Variants in CRACD observed in about 807,000 individuals in gnomAD.
The protein encoded by CRACD is capping protein-inhibiting regulator of actin dynamics.
A neutral mutation model predicts 106.8 loss-of-function variants in CRACD; 56 were observed. That is an observed-to-expected ratio of 0.52 (90% CI 0.42 to 0.66). The LOEUF (loss-of-function observed/expected upper bound fraction) is 0.66, where lower values mean the gene tolerates loss of function less well. Ranked by LOEUF, CRACD falls within the 30% of genes least tolerant of loss-of-function variation. The probability of loss-of-function intolerance (pLI) is 0.00; values close to 1 mark genes in which losing one functional copy is unlikely to be tolerated. For missense variants in CRACD, 1,730 were observed against 1,623.2 expected, an observed-to-expected ratio of 1.07 and a Z score of -1.13; for synonymous variants, 754 against 670.8, an observed-to-expected ratio of 1.12 and a Z score of -1.92.
At chr4:56,246,107 G>A (rs1740664667) in intron 2 of CRACD, among the ~76,000 whole-genome samples, 1 of 152,172 alleles carries the variant, frequency 6.6e-6, no homozygotes, top group African/African-American at 2.4e-5. Flanking sequence ...CTACTGGCCT[G>A]TGCTCTCAGC....
rs1490106808 is a variant in CRACD at position 56,113,377 on chromosome 4, A to C, written c.-336+64078A>C. Among the ~76,000 whole-genome samples the C allele has an allele frequency of 4.6e-5, 7 of 152,226 alleles. No individual in the cohort carries two copies. The South Asian group carries it at 1.2e-3, about 27-fold the overall frequency. The stretch of plus-strand genomic sequence containing the variant: ...CAAATGCAAAATAAATGTGATGTCT[A>C]ATGATAGGCAGTAAGTCTTTTTCCT... On this transcript the variant is annotated intron_variant, in intron 1 of 10. Coordinates refer to ENST00000682029, the MANE Select transcript of CRACD (RefSeq NM_001393381.1).
chr4:56,224,008 C>A (rs1214498761), intron 2 of CRACD, among the ~76,000 whole-genome samples: 2 of 152,208 alleles, frequency 1.3e-5, no homozygotes, highest in Non-Finnish European at 2.9e-5. Flanking sequence ...ATCCTCCCTC[C>A]TTGGTTTCCC....
chr4:56,269,949 TA>T (rs1312240036), intron 2 of CRACD, among the ~76,000 whole-genome samples: 1 of 152,198 alleles, frequency 6.6e-6, no homozygotes, highest in African/African-American at 2.4e-5. Context: ...TAATACACAG[TA>T]AAAATAATTT....
Position 56,314,844 on chromosome 4 carries a change from C to G in CRACD, c.1342C>G (p.Pro448Ala), listed in dbSNP as rs1359309505. 6.2e-7 allele frequency: 1 copy of G among 1,611,636 alleles called. No individual in the cohort carries two copies. The highest frequency in any genetic ancestry group is 1.1e-5 in the South Asian group (1 of 90,134). ...AGGACAAAGAGAACACTCCGAGGAG[C>G]CAGGTATTTGCGAGGAGCAGAACCC... ...PEGQREHSEE[P>A]GICEEQNPEA... The change falls in exon 8 of 11, where the codon CCA becomes GCA. Residue 448 changes from proline to alanine, a missense_variant. Coordinates refer to ENST00000682029, the MANE Select transcript of CRACD (RefSeq NM_001393381.1). This position sits in a 1 kb window ranked among gnomAD's most constrained non-coding sequence, Gnocchi z 4.4.
intron 1 of CRACD, among the ~76,000 whole-genome samples, chr4:56,102,463 T>C (rs1238661038): frequency 6.6e-6 from 1 of 152,154 alleles, no homozygotes; most frequent in Non-Finnish European, 1.5e-5. Flanking sequence ...CCCAAACAGA[T>C]AAAAACCCAG....
At chr4:56,239,091 G>A (rs1740191482) in intron 2 of CRACD, among the ~76,000 whole-genome samples, 1 of 152,016 alleles carries the variant, frequency 6.6e-6, no homozygotes, top group African/African-American at 2.4e-5. Context: ...TCAGGAATTC[G>A]AGACCAGCCT....
chr4:56,096,587 A>G (rs1733606216), intron 1 of CRACD, among the ~76,000 whole-genome samples: 1 of 151,994 alleles, frequency 6.6e-6, no homozygotes, highest in Non-Finnish European at 1.5e-5. Flanking sequence ...GGTGGAGTGC[A>G]CCTATAGTAG....
chr4:56,216,456 G>C (rs1035769534), intron 2 of CRACD, among the ~76,000 whole-genome samples: 1 of 152,136 alleles, frequency 6.6e-6, no homozygotes, highest in African/African-American at 2.4e-5. Context: ...TGAAGATACA[G>C]CTGTTCCAAT....
chr4:56,229,993 G>A (rs1739522056), intron 2 of CRACD, among the ~76,000 whole-genome samples: 1 of 152,184 alleles, frequency 6.6e-6, no homozygotes, highest in Admixed American at 6.5e-5. Flanking sequence ...AAAAAGAAAA[G>A]CATGTCTTTA....
intron 2 of CRACD, among the ~76,000 whole-genome samples, chr4:56,199,126 A>G (rs1482907323): frequency 1.3e-5 from 2 of 152,118 alleles, no homozygotes; most frequent in Non-Finnish European, 2.9e-5. Context: ...CCTGATACAT[A>G]TGTGTCACAG....
intron 2 of CRACD, among the ~76,000 whole-genome samples, chr4:56,251,369 A>G (rs774769526): frequency 3.9e-5 from 6 of 152,198 alleles, no homozygotes; most frequent in Non-Finnish European, 8.8e-5. Flanking sequence ...TGAAATTGAT[A>G]TTTGAAAGGC....
chr4:56,152,252 C>T (rs983381463), intron 1 of CRACD, among the ~76,000 whole-genome samples: 8 of 151,572 alleles, frequency 5.3e-5, no homozygotes, highest in African/African-American at 1.7e-4. Context: ...CTCCTGACCT[C>T]GTGATCCACC....
At chr4:56,125,687 G>A (rs909750150) in intron 1 of CRACD, among the ~76,000 whole-genome samples, 46 of 151,786 alleles carry the variant, frequency 3.0e-4, no homozygotes, top group African/African-American at 1.0e-3. Context: ...AAAGTGTTGG[G>A]ATTACAGGTG....
In CRACD at chr4:56,257,993, C is replaced by G. The variant is rs556324877; in HGVS notation, c.-188-14328C>G. ...GCTGAGGCATGAGAATCGCTTGAAC[C>G]CGGGAGGCAGAGGTGGCAGTGAGCC... On this transcript the variant is annotated intron_variant, in intron 2 of 10. Coordinates refer to ENST00000682029, the MANE Select transcript of CRACD (RefSeq NM_001393381.1). Among the ~76,000 whole-genome samples the G allele has an allele frequency of 7.3e-5, 11 of 151,722 alleles. No homozygotes were observed. The South Asian group carries it at 2.1e-3, about 29-fold the overall frequency.
At chr4:56,190,349 TG>T (rs1424162326) in intron 2 of CRACD, among the ~76,000 whole-genome samples, 1 of 152,194 alleles carries the variant, frequency 6.6e-6, no homozygotes, top group Non-Finnish European at 1.5e-5. Context: ...ATGGGATGGC[TG>T]GGTCAAATGC....
At chr4:56,090,810 C>A (rs1470302245) in intron 1 of CRACD, among the ~76,000 whole-genome samples, 2 of 152,018 alleles carry the variant, frequency 1.3e-5, no homozygotes, top group Non-Finnish European at 2.9e-5. Context: ...AACCATAAGT[C>A]CTGAAGGAGT....
chr4:56,120,153 T>G (rs1024739722), intron 1 of CRACD, among the ~76,000 whole-genome samples: 3 of 152,230 alleles, frequency 2.0e-5, no homozygotes, highest in Admixed American at 6.5e-5. Flanking sequence ...AATTCTGACA[T>G]GCATGCCAGA....
At chr4:56,321,176 G>A in intron 8 of CRACD, 1 of 272,400 alleles carries the variant, frequency 3.7e-6, no homozygotes, top group South Asian at 4.8e-5. Context: ...GGCAGTTGTG[G>A]AGGATAAACG....
At chr4:56,081,431 T>C (rs1733024029) in intron 1 of CRACD, among the ~76,000 whole-genome samples, 1 of 152,126 alleles carries the variant, frequency 6.6e-6, no homozygotes, top group Admixed American at 6.6e-5. Context: ...TATTTAATAT[T>C]TGTGGTTGGT....
Sources: gnomAD v4.1 joint callset for allele counts (sites outside exome capture counted in the v4.1 genomes callset) on GRCh38, gnomAD v4.1.1 for gene constraint, Gnocchi (gnomAD v3.1) non-coding constraint, MANE v1.5 for transcripts, NCBI Gene and HGNC (gene_info 2026-07-23, HGNC 2026-07-21) for gene names.